Variants in LRRC8D observed in about 807,000 individuals in gnomAD.
LRRC8D encodes the protein volume-regulated anion channel subunit LRRC8D.
LRRC8D carries 20 observed loss-of-function variants against 55.8 expected under a neutral mutation model. That is an observed-to-expected ratio of 0.36 (90% confidence interval 0.25 to 0.52). LRRC8D has a LOEUF of 0.52. LRRC8D is among the 20% of genes least tolerant of loss of function. LRRC8D has a pLI of 0.93. For synonymous variants in LRRC8D, 352 were observed against 377.0 expected (o/e 0.93, Z 0.77); for missense variants, 651 against 1,030.8 (o/e 0.63, Z 5.05).
intron 2 of LRRC8D, among the ~76,000 whole-genome samples, chr1:89,913,198 C>T (rs1293010169): frequency 6.6e-6 from 1 of 152,192 alleles, no homozygotes; most frequent in Non-Finnish European, 1.5e-5. Context: ...TCCTGTTGGT[C>T]CCTCCTCATT....
chr1:89,932,990 G>A (rs1557490023), intron 2 of LRRC8D, 77 bp from the exon 3 acceptor site: 1 of 1,279,084 alleles, frequency 7.8e-7, no homozygotes, highest in Non-Finnish European at 1.1e-6. Flanking sequence ...TTAGTTAGGA[G>A]CAGGCATAGG....
At chr1:89,858,021 G>A (rs966940591) in intron 2 of LRRC8D, among the ~76,000 whole-genome samples, 1 of 152,160 alleles carries the variant, frequency 6.6e-6, no homozygotes, top group Non-Finnish European at 1.5e-5. Context: ...CTGAGGTCAG[G>A]AGTTCGAGAC....
intron 2 of LRRC8D, among the ~76,000 whole-genome samples, chr1:89,849,341 T>C (rs1340124708): frequency 6.6e-6 from 1 of 152,212 alleles, no homozygotes; most frequent in Non-Finnish European, 1.5e-5. Context: ...ATGGAATTTA[T>C]TGGCCTTCAT....
rs777084126 is a variant in LRRC8D at position 89,935,459 on chromosome 1, C to T, written c.2391C>T (p.Leu797=). 4.3e-6 allele frequency: 7 copies of T among 1,614,248 alleles called. No homozygotes were observed. In the South Asian group the frequency reaches 6.6e-5, roughly 15 times the overall value. Residue 797 remains leucine (L), a synonymous_variant, in exon 3 of 3, where the codon CTC becomes CTT. Coordinates refer to ENST00000337338, the MANE Select transcript of LRRC8D (RefSeq NM_001134479.2). ...ITSLPEKVGQ[L]SQLTQLELKG... is the part of the protein sequence containing the mutation. ...CACTCCCAGAGAAAGTTGGTCAGCT[C>T]TCCCAGCTCACTCAGCTGGAGCTGA... is the stretch of plus-strand genomic sequence containing the variant.
At chr1:89,860,854 A>G (rs1447123986) in intron 2 of LRRC8D, among the ~76,000 whole-genome samples, 1 of 138,766 alleles carries the variant, frequency 7.2e-6, no homozygotes, top group Non-Finnish European at 1.5e-5. Flanking sequence ...ATTTTCCTTG[A>G]AATTCTTTTT....
chr1:89,923,766 A>G (rs1212828141), intron 2 of LRRC8D, among the ~76,000 whole-genome samples: 1 of 152,222 alleles, frequency 6.6e-6, no homozygotes, highest in Non-Finnish European at 1.5e-5. Flanking sequence ...CAGAGTCCAC[A>G]AAATTACACA....
chr1:89,843,923 C>A, intron 2 of LRRC8D, 141 bp downstream of exon 2: 2 of 498,584 alleles, frequency 4.0e-6, no homozygotes, highest in South Asian at 2.5e-5. Flanking sequence ...CACCCGGGGT[C>A]TCTGCCAAAC....
intron 1 of LRRC8D, among the ~76,000 whole-genome samples, chr1:89,825,172 A>G (rs988829687): frequency 6.6e-5 from 10 of 152,166 alleles, no homozygotes; most frequent in African/African-American, 2.4e-4. Flanking sequence ...TGAAAACTGT[A>G]GTCAGTACTA....
chr1:89,896,140 A>G (rs1316556596), intron 2 of LRRC8D, among the ~76,000 whole-genome samples: 1 of 152,244 alleles, frequency 6.6e-6, no homozygotes, highest in African/African-American at 2.4e-5. Context: ...ATACATGGCC[A>G]ATAACGGCAT....
intron 2 of LRRC8D, among the ~76,000 whole-genome samples, chr1:89,865,843 A>C (rs1339822427): frequency 1.3e-5 from 2 of 152,254 alleles, no homozygotes; most frequent in Admixed American, 1.3e-4. Flanking sequence ...AGAATCAGGA[A>C]CAGGAATATG....
chr1:89,902,078 G>T (rs1662871454), intron 2 of LRRC8D, among the ~76,000 whole-genome samples: 1 of 152,220 alleles, frequency 6.6e-6, no homozygotes, highest in African/African-American at 2.4e-5. Flanking sequence ...AGTAGGCCAG[G>T]GAGAGAGGCA....
chr1:89,929,137 A>G (rs530111132), intron 2 of LRRC8D, among the ~76,000 whole-genome samples: 8 of 152,240 alleles, frequency 5.3e-5, no homozygotes, highest in Non-Finnish European at 7.3e-5. Flanking sequence ...TGGTAATCCA[A>G]TGGGAGATCA....
At chr1:89,825,610 T>G (rs1660744181) in intron 1 of LRRC8D, among the ~76,000 whole-genome samples, 1 of 152,234 alleles carries the variant, frequency 6.6e-6, no homozygotes, top group Non-Finnish European at 1.5e-5. Context: ...GTGACAGCCT[T>G]ATATTTAGAG....
Position 89,933,377 on chromosome 1 carries a change from TG to T in LRRC8D, c.310del (p.Ala104LeufsTer2). The T allele has an allele frequency of 6.2e-7, 1 of 1,614,176 alleles. No homozygotes were observed. The highest frequency in any genetic ancestry group is 8.5e-7 in the Non-Finnish European group (1 of 1,180,040). On this transcript the variant is annotated frameshift_variant, in exon 3 of 3. Transcript: ENST00000337338. LOFTEE classifies it high-confidence loss of function. The surrounding 1 kb of genome is among the most constrained non-coding windows in gnomAD (Gnocchi z 7.0). ...CAAACGACATTTCCTTTGGGACATC[TG>T]CTGTGACACCTGACATACCTCTCAG... Reference protein sequence around the residue: ...TTNDISFGTSAVTPDIPLRAT... With the variant: ...TTNDISFGTSXVTPDIPLRAT...
chr1:89,876,115 C>T (rs1164907258), intron 2 of LRRC8D, among the ~76,000 whole-genome samples: 1 of 152,098 alleles, frequency 6.6e-6, no homozygotes, highest in Non-Finnish European at 1.5e-5. Flanking sequence ...ACTCAGAGCT[C>T]TTTCCTGCTG....
At chr1:89,834,971 C>G (rs935784847) in intron 1 of LRRC8D, among the ~76,000 whole-genome samples, 2 of 152,200 alleles carry the variant, frequency 1.3e-5, no homozygotes, top group Non-Finnish European at 2.9e-5. Context: ...CACTTGGTTG[C>G]CTTTGAATAA....
At chr1:89,841,402 C>CCT (rs1553122464) in intron 1 of LRRC8D, among the ~76,000 whole-genome samples, 1 of 151,378 alleles carries the variant, frequency 6.6e-6, no homozygotes, top group Non-Finnish European at 1.5e-5. Flanking sequence ...GACCACCCCC[C>CCT]CCCTTTTTTT....
chr1:89,898,800 A>G (rs1662776974), intron 2 of LRRC8D, among the ~76,000 whole-genome samples: 1 of 152,242 alleles, frequency 6.6e-6, no homozygotes, highest in South Asian at 2.1e-4. Flanking sequence ...AAGGTAGTAC[A>G]TTTCCTGTCA....
intron 2 of LRRC8D, among the ~76,000 whole-genome samples, chr1:89,910,659 G>A (rs1335585321): frequency 6.6e-6 from 1 of 152,038 alleles, no homozygotes; most frequent in Non-Finnish European, 1.5e-5. Context: ...TTGAATCCTG[G>A]TCCACCTTGT....
Sources: gnomAD v4.1 joint callset for allele counts (sites outside exome capture counted in the v4.1 genomes callset) on GRCh38, gnomAD v4.1.1 for gene constraint, Gnocchi (gnomAD v3.1) non-coding constraint, MANE v1.5 for transcripts, NCBI Gene and HGNC (gene_info 2026-07-23, HGNC 2026-07-21) for gene names.